The following TAS2R1 variants were observed in gnomAD, a reference collection of about 807,000 sequenced individuals.
The protein encoded by TAS2R1 is taste receptor type 2 member 1.
For synonymous variants in TAS2R1, 141 were observed against 134.2 expected (o/e 1.05, Z -0.35); for missense variants, 370 against 353.4 (o/e 1.05, Z -0.38).
intron 2 of TAS2R1, among the ~76,000 whole-genome samples, chr5:9,653,342 A>C (rs1433130651): frequency 6.6e-6 from 1 of 152,120 alleles, no homozygotes; most frequent in Non-Finnish European, 1.5e-5. Flanking sequence ...ATATGTCAGA[A>C]TTTCCTTCCT....
chr5:9,881,311 G>A, the TAS2R1 span, among the ~76,000 whole-genome samples: 30 of 152,062 alleles, frequency 2.0e-4, no homozygotes, highest in African/African-American at 5.8e-4. Context: ...CAAGGGAAGC[G>A]AAGGACCTCT....
At chr5:9,886,286 C>A in the TAS2R1 span, among the ~76,000 whole-genome samples, 1 of 151,492 alleles carries the variant, frequency 6.6e-6, no homozygotes, top group South Asian at 2.1e-4. Flanking sequence ...CCGGCCTCAG[C>A]CTCCCAAAGT....
the TAS2R1 span, among the ~76,000 whole-genome samples, chr5:9,899,361 G>A: frequency 8.5e-5 from 13 of 152,278 alleles, no homozygotes; most frequent in African/African-American, 3.1e-4. Context: ...AGGTGGCCGA[G>A]TGTGGTAGCT....
the TAS2R1 span, among the ~76,000 whole-genome samples, chr5:9,840,525 T>G: frequency 5.9e-5 from 9 of 152,244 alleles, no homozygotes; most frequent in Admixed American, 5.9e-4. Flanking sequence ...TACCACTATC[T>G]TAATGTTACA....
the TAS2R1 span, among the ~76,000 whole-genome samples, chr5:9,817,891 G>T: frequency 1.3e-5 from 2 of 151,850 alleles, no homozygotes; most frequent in Non-Finnish European, 2.9e-5. Context: ...GAGAGGGGGA[G>T]GGGGAGGGGA....
intron 2 of TAS2R1, among the ~76,000 whole-genome samples, chr5:9,654,014 C>T (rs899354783): frequency 7.2e-5 from 11 of 152,132 alleles, no homozygotes; most frequent in African/African-American, 2.7e-4. Flanking sequence ...CTGAGTCAGA[C>T]AGCTCAGCTG....
At chr5:9,754,087 G>A in the TAS2R1 span, among the ~76,000 whole-genome samples, 26 of 152,300 alleles carry the variant, frequency 1.7e-4, no homozygotes, top group East Asian at 4.8e-3. Flanking sequence ...TCCCTGGGAT[G>A]CAAGGCTGGT....
At chr5:9,883,068 C>T in the TAS2R1 span, among the ~76,000 whole-genome samples, 1 of 152,122 alleles carries the variant, frequency 6.6e-6, no homozygotes, top group Admixed American at 6.6e-5. Context: ...AGATCATGTG[C>T]TTTGCAGGGA....
At chr5:9,700,591 T>C (rs1001755622) in intron 1 of TAS2R1, among the ~76,000 whole-genome samples, 1 of 152,162 alleles carries the variant, frequency 6.6e-6, no homozygotes, top group Admixed American at 6.5e-5. Flanking sequence ...CGTTGGGATA[T>C]AATGCGCTTG....
At chr5:9,794,206 GT>G in the TAS2R1 span, among the ~76,000 whole-genome samples, 11 of 152,192 alleles carry the variant, frequency 7.2e-5, no homozygotes, top group South Asian at 2.3e-3. Context: ...AAATTTTTTA[GT>G]TGATTCTAGA....
upstream of TAS2R1, chr5:9,714,363 C>T (rs1734763475): frequency 6.6e-6 from 1 of 152,172 alleles, no homozygotes; most frequent in Non-Finnish European, 1.5e-5. Flanking sequence ...TTTGGGAGAA[C>T]CAAGTCTGTT....
At chr5:9,865,378 C>T in the TAS2R1 span, among the ~76,000 whole-genome samples, 12 of 152,110 alleles carry the variant, frequency 7.9e-5, no homozygotes, top group African/African-American at 2.4e-4. Context: ...TTACTCATCC[C>T]TTATAATTTT....
At chr5:9,868,587 C>T in the TAS2R1 span, among the ~76,000 whole-genome samples, 1 of 152,208 alleles carries the variant, frequency 6.6e-6, no homozygotes, top group Admixed American at 6.5e-5. Context: ...ATGGGAGGGA[C>T]TTCCATGAAG....
chr5:9,741,018 C>A, the TAS2R1 span, among the ~76,000 whole-genome samples: 2 of 152,132 alleles, frequency 1.3e-5, no homozygotes, highest in Non-Finnish European at 2.9e-5. Flanking sequence ...CAGAGCTTAG[C>A]CCCAGAGCAG....
chr5:9,854,500 T>C, the TAS2R1 span: 8 of 152,280 alleles, frequency 5.3e-5, no homozygotes, highest in African/African-American at 1.7e-4. Context: ...GCTAAGGGAT[T>C]GGGGCCTCAT....
chr5:9,732,535 T>C, the TAS2R1 span, among the ~76,000 whole-genome samples: 79 of 152,206 alleles, frequency 5.2e-4, no homozygotes, highest in Middle Eastern at 3.4e-3. Flanking sequence ...CCCAGAGGCA[T>C]AGACAGGAGG....
At chr5:9,838,530 T>C in the TAS2R1 span, among the ~76,000 whole-genome samples, 3 of 152,222 alleles carry the variant, frequency 2.0e-5, no homozygotes, top group Admixed American at 2.0e-4. Flanking sequence ...GCATACATGA[T>C]GTGAAATGAC....
chr5:9,701,848 C>A (rs867546543), intron 1 of TAS2R1, among the ~76,000 whole-genome samples: 2 of 152,090 alleles, frequency 1.3e-5, no homozygotes, highest in South Asian at 4.2e-4. Flanking sequence ...CATTTATAAC[C>A]AAAATTTTGC....
At chr5:9,727,304 T>C in the TAS2R1 span, among the ~76,000 whole-genome samples, 1 of 152,212 alleles carries the variant, frequency 6.6e-6, no homozygotes, top group Non-Finnish European at 1.5e-5. Flanking sequence ...TTAAAAGTGA[T>C]CATTGAATAA....
Sources: allele counts gnomAD v4.1 joint callset (sites outside exome capture counted in the v4.1 genomes callset), GRCh38; gene constraint gnomAD v4.1.1; transcripts MANE v1.5; gene names NCBI Gene and HGNC (gene_info 2026-07-23, HGNC 2026-07-21).